Variants in RAB27A observed in about 807,000 individuals in gnomAD.
The protein encoded by RAB27A is ras-related protein Rab-27A.
A neutral mutation model predicts 20.8 loss-of-function variants in RAB27A; 17 were observed. The observed-to-expected ratio is 0.82, with a 90% CI of 0.56 to 1.23. RAB27A has a LOEUF of 1.23. Among genes scored for constraint, RAB27A ranks in the 50% most tolerant of loss-of-function variants. The pLI, the probability that RAB27A is intolerant of heterozygous loss-of-function variation, is 0.00. For synonymous variants in RAB27A, 85 were observed against 92.8 expected, an observed-to-expected ratio of 0.92 and a Z score of 0.48; for missense variants, 277 against 266.7, an observed-to-expected ratio of 1.04 and a Z score of -0.27.
chr15:55,282,600 T>C (rs1898043558), intron 1 of RAB27A, among the ~76,000 whole-genome samples: 2 of 152,180 alleles, frequency 1.3e-5, no homozygotes, highest in Admixed American at 6.5e-5. Flanking sequence ...GCTGGAAATC[T>C]GGGAAGTAGA....
intron 3 of RAB27A, among the ~76,000 whole-genome samples, chr15:55,232,396 C>T (rs918988535): frequency 2.6e-5 from 4 of 152,088 alleles, no homozygotes; most frequent in Admixed American, 2.0e-4. Context: ...AGAATAGACA[C>T]ATTATTTTAA....
At chr15:55,285,285 A>C (rs759671897) in intron 1 of RAB27A, among the ~76,000 whole-genome samples, 54 of 151,532 alleles carry the variant, frequency 3.6e-4, no homozygotes, top group Non-Finnish European at 6.5e-4. Flanking sequence ...TTTAAGGGCA[A>C]CATATACAGA....
intron 2 of RAB27A, among the ~76,000 whole-genome samples, chr15:55,312,651 A>C (rs1203055351): frequency 6.6e-6 from 1 of 152,120 alleles, no homozygotes; most frequent in East Asian, 1.9e-4. Context: ...TATCTTCACC[A>C]GGAAAAAAAA....
chr15:55,314,218 T>C (rs1403644604), intron 1 of RAB27A: 1 of 150,370 alleles, frequency 6.7e-6, no homozygotes. Flanking sequence ...ATAGCTGAGA[T>C]TAAATTATAA....
At chr15:55,220,606 C>T (rs1302619687) in intron 6 of RAB27A, among the ~76,000 whole-genome samples, 1 of 152,112 alleles carries the variant, frequency 6.6e-6, no homozygotes, top group Non-Finnish European at 1.5e-5. Context: ...GAATAGAAGA[C>T]AGCATAATAG....
chr15:55,308,170 C>T (rs1399576738), intron 2 of RAB27A, among the ~76,000 whole-genome samples: 2 of 152,100 alleles, frequency 1.3e-5, no homozygotes, highest in African/African-American at 2.4e-5. Context: ...ATCCTCTTGG[C>T]GGTTCCCTTC....
chr15:55,213,488 A>C (rs1392524644), intron 6 of RAB27A, among the ~76,000 whole-genome samples: 1 of 152,226 alleles, frequency 6.6e-6, no homozygotes, highest in Non-Finnish European at 1.5e-5. Context: ...CCCAGGCCAC[A>C]GACTGGTACC....
At chr15:55,248,034 C>T (rs565961888) in intron 2 of RAB27A, among the ~76,000 whole-genome samples, 13 of 151,250 alleles carry the variant, frequency 8.6e-5, no homozygotes, top group African/African-American at 2.9e-4. Flanking sequence ...CAGGGGTTCA[C>T]GCCATTCTCC....
At chr15:55,304,775 A>G (rs1488322750) in intron 2 of RAB27A, among the ~76,000 whole-genome samples, 3 of 152,078 alleles carry the variant, frequency 2.0e-5, no homozygotes, top group African/African-American at 7.2e-5. Flanking sequence ...GGTTTTTTCC[A>G]CTTTTTGGCT....
chr15:55,211,423 T>C (rs28499113), intron 6 of RAB27A, among the ~76,000 whole-genome samples: 40,459 of 151,802 alleles, frequency 0.27, 6,943 homozygotes, highest in African/African-American at 0.49. Flanking sequence ...TCCTCTTCAA[T>C]TTCTCTCACC....
At chr15:55,254,134 A>G (rs1038434548) in intron 2 of RAB27A, among the ~76,000 whole-genome samples, 2 of 152,230 alleles carry the variant, frequency 1.3e-5, no homozygotes, top group Admixed American at 1.3e-4. Context: ...TCCACATTTT[A>G]AAGTATAAAG....
intron 1 of RAB27A, among the ~76,000 whole-genome samples, chr15:55,274,922 G>A (rs1230806467): frequency 6.7e-6 from 1 of 149,570 alleles, no homozygotes; most frequent in Non-Finnish European, 1.5e-5. Flanking sequence ...TGTTACAACT[G>A]ATACCACAGA....
chr15:55,213,554 C>G (rs558064336), intron 6 of RAB27A, among the ~76,000 whole-genome samples: 1 of 152,178 alleles, frequency 6.6e-6, no homozygotes, highest in African/African-American at 2.4e-5. Flanking sequence ...AGGGGGCCAG[C>G]GAGCAAGCCA....
At chr15:55,236,324 C>T (rs866558024) in intron 2 of RAB27A, among the ~76,000 whole-genome samples, 2 of 152,066 alleles carry the variant, frequency 1.3e-5, no homozygotes, top group African/African-American at 4.8e-5. Flanking sequence ...TTAGTCCCTG[C>T]TTCCTTACAT....
At chr15:55,307,721 T>C (rs1217046342) in intron 2 of RAB27A, among the ~76,000 whole-genome samples, 1 of 150,790 alleles carries the variant, frequency 6.6e-6, no homozygotes, top group Non-Finnish European at 1.5e-5. Flanking sequence ...GATTTTGGCA[T>C]GTGGATAAAA....
rs981394247 is a variant in RAB27A, at chr15:55,204,028, G to T, written c.*1479C>A. 7 of 151,954 alleles carry T rather than the reference G, an allele frequency of 4.6e-5. No homozygotes were observed. Among genetic ancestry groups the T allele is most frequent in the African/African-American group, 1.7e-4 (7 of 41,376 alleles). The allele number at this position is 151,954 out of a possible 1,614,324, so 9.4% of individuals were successfully genotyped here. A position where few individuals can be genotyped will look rare whatever the true frequency, so the allele number is the denominator to read the frequency against. On this transcript the variant is annotated 3_prime_UTR_variant, in exon 7 of 7. Transcript: ENST00000336787. Reference sequence around the variant, plus strand: ...TCTGGGCTTCTAGTGTAACCATCACGCAAATATACTTGTATTTTTCTAATT... The same window carrying T: ...TCTGGGCTTCTAGTGTAACCATCACTCAAATATACTTGTATTTTTCTAATT...
At chr15:55,277,526 C>T (rs1002897596) in intron 1 of RAB27A, among the ~76,000 whole-genome samples, 2 of 152,072 alleles carry the variant, frequency 1.3e-5, no homozygotes, top group African/African-American at 4.8e-5. Flanking sequence ...TTTCCTTCTC[C>T]CTCCCCTCAC....
At chr15:55,259,475 T>G (rs930243347) in intron 2 of RAB27A, among the ~76,000 whole-genome samples, 3 of 151,600 alleles carry the variant, frequency 2.0e-5, no homozygotes, top group African/African-American at 7.3e-5. Context: ...TTTGTAGAGA[T>G]GGGGTCTCAC....
chr15:55,242,130 G>C (rs918686218), intron 2 of RAB27A, among the ~76,000 whole-genome samples: 17 of 152,098 alleles, frequency 1.1e-4, no homozygotes, highest in Middle Eastern at 3.4e-3. Context: ...ACTCTAGATA[G>C]GTCAGCCATT....
Sources: gnomAD v4.1 joint callset for allele counts (sites outside exome capture counted in the v4.1 genomes callset) on GRCh38, gnomAD v4.1.1 for gene constraint, MANE v1.5 for transcripts, NCBI Gene and HGNC (gene_info 2026-07-23, HGNC 2026-07-21) for gene names.